Variants in SPOCK1 observed in about 807,000 individuals in gnomAD.
The protein encoded by SPOCK1 is testican-1.
SPOCK1 carries 23 observed loss-of-function variants against 55.3 expected under a neutral mutation model. That is an observed-to-expected ratio of 0.42 (90% CI 0.30 to 0.59). The LOEUF is 0.59. Ranked by LOEUF, SPOCK1 falls within the 20% of genes least tolerant of loss-of-function variation. SPOCK1 has a pLI of 0.22. For missense variants in SPOCK1, 499 were observed against 552.5 expected (o/e 0.90, Z 0.97); for synonymous variants, 226 against 221.0 (o/e 1.02, Z -0.20).
At chr5:137,093,862 G>A (rs1434422321) in intron 5 of SPOCK1, among the ~76,000 whole-genome samples, 1 of 152,180 alleles carries the variant, frequency 6.6e-6, no homozygotes, top group African/African-American at 2.4e-5. Flanking sequence ...AGAGAACCTG[G>A]GGGAGCAGGG....
intron 5 of SPOCK1, among the ~76,000 whole-genome samples, chr5:137,086,027 T>C (rs1340389498): frequency 1.3e-5 from 2 of 152,178 alleles, no homozygotes; most frequent in Non-Finnish European, 2.9e-5. Flanking sequence ...AATGCTGTTT[T>C]AAGGCAAATG....
At chr5:136,984,975 C>CTGTT (rs1183465705) in intron 9 of SPOCK1, among the ~76,000 whole-genome samples, 165 bp downstream of exon 9, 2 of 152,194 alleles carry the variant, frequency 1.3e-5, no homozygotes, top group Non-Finnish European at 2.9e-5. Context: ...AGCCAGTCCT[C>CTGTT]TGTTTATGTC....
intron 4 of SPOCK1, among the ~76,000 whole-genome samples, chr5:137,129,608 G>T (rs1753837276): frequency 6.6e-6 from 1 of 152,200 alleles, no homozygotes; most frequent in Non-Finnish European, 1.5e-5. Flanking sequence ...CCTCTGGGTA[G>T]GGGCCACAGG....
chr5:137,147,023 T>C (rs1251012990), intron 3 of SPOCK1, among the ~76,000 whole-genome samples: 1 of 152,192 alleles, frequency 6.6e-6, no homozygotes, highest in Admixed American at 6.5e-5. Flanking sequence ...CCCTTTAAAC[T>C]GAGGTCCTGG....
intron 4 of SPOCK1, among the ~76,000 whole-genome samples, chr5:137,129,059 A>G (rs1306451697): frequency 1.3e-5 from 2 of 152,150 alleles, no homozygotes; most frequent in African/African-American, 2.4e-5. Context: ...TCACTCTCCA[A>G]CTGAAAGCCA....
intron 3 of SPOCK1, among the ~76,000 whole-genome samples, chr5:137,179,177 C>T (rs1021572376): frequency 6.6e-6 from 1 of 152,120 alleles, no homozygotes; most frequent in African/African-American, 2.4e-5. Flanking sequence ...TGCTAAGAAC[C>T]ACATCTATAG....
At chr5:137,009,019 A>G (rs1464858864) in intron 6 of SPOCK1, among the ~76,000 whole-genome samples, 9 of 152,326 alleles carry the variant, frequency 5.9e-5, no homozygotes, top group Admixed American at 3.3e-4. Flanking sequence ...ATGGAAAAAT[A>G]ACAGAGATGA....
chr5:137,478,351 C>A (rs1278294411), intron 2 of SPOCK1, among the ~76,000 whole-genome samples: 1 of 152,168 alleles, frequency 6.6e-6, no homozygotes, highest in Non-Finnish European at 1.5e-5. Context: ...GAGACACAAT[C>A]TCTTGTAGCA....
intron 4 of SPOCK1, among the ~76,000 whole-genome samples, chr5:137,119,410 C>T (rs1255909481): frequency 6.6e-6 from 1 of 152,060 alleles, no homozygotes; most frequent in African/African-American, 2.4e-5. Flanking sequence ...GCTATAATTC[C>T]TCTGTTGTTA....
intron 2 of SPOCK1, among the ~76,000 whole-genome samples, chr5:137,267,422 G>A (rs1303533858): frequency 6.6e-6 from 1 of 152,178 alleles, no homozygotes; most frequent in Admixed American, 6.6e-5. Flanking sequence ...AAGCCTCTGT[G>A]TTTGTAACAG....
chr5:137,350,180 C>T (rs965488021), intron 2 of SPOCK1, among the ~76,000 whole-genome samples: 1 of 152,046 alleles, frequency 6.6e-6, no homozygotes, highest in South Asian at 2.1e-4. Flanking sequence ...AGACTGCCCC[C>T]CAGAGAAGTT....
intron 2 of SPOCK1, among the ~76,000 whole-genome samples, chr5:137,487,527 T>C (rs1414298517): frequency 6.6e-6 from 1 of 152,184 alleles, no homozygotes; most frequent in Admixed American, 6.5e-5. Context: ...GTTTGTTCCA[T>C]ACCCTTAACA....
chr5:137,404,782 TG>T (rs1358884068), intron 2 of SPOCK1, among the ~76,000 whole-genome samples: 1 of 152,132 alleles, frequency 6.6e-6, no homozygotes, highest in Non-Finnish European at 1.5e-5. Flanking sequence ...AGTTAACCCA[TG>T]GGTTTGTCAC....
intron 5 of SPOCK1, among the ~76,000 whole-genome samples, chr5:137,097,089 G>A (rs1753163498): frequency 6.6e-6 from 1 of 152,240 alleles, no homozygotes; most frequent in Admixed American, 6.5e-5. Flanking sequence ...ACAGCAGACA[G>A]TAATGTAGTA....
chr5:137,446,139 TG>T (rs1171709848), intron 2 of SPOCK1, among the ~76,000 whole-genome samples: 1 of 152,198 alleles, frequency 6.6e-6, no homozygotes, highest in African/African-American at 2.4e-5. Flanking sequence ...TGGACTTAAA[TG>T]TCACACCAAA....
At chr5:137,260,956 T>C (rs1756733359) in intron 3 of SPOCK1, among the ~76,000 whole-genome samples, 1 of 152,114 alleles carries the variant, frequency 6.6e-6, no homozygotes, top group African/African-American at 2.4e-5. Flanking sequence ...GGGGAAAGCA[T>C]ATTCCTAATT....
At chr5:137,417,358 T>TA (rs1329291403) in intron 2 of SPOCK1, among the ~76,000 whole-genome samples, 1 of 151,558 alleles carries the variant, frequency 6.6e-6, no homozygotes, top group Non-Finnish European at 1.5e-5. Flanking sequence ...TTCATTTTTT[T>TA]AAAAAAATCA....
chr5:137,369,610 G>A lies in SPOCK1; in HGVS notation c.187-102555C>T, dbSNP rs140181261. ...AGAACTAGGACCACTGTCTTAGCTCGGGTTTCCGTAACAAAATACATTAGA... is the reference window on the plus strand; with the variant it reads ...AGAACTAGGACCACTGTCTTAGCTCAGGTTTCCGTAACAAAATACATTAGA... On this transcript the variant is annotated intron_variant, in intron 2 of 10. Transcript: ENST00000394945. 1.6e-3 allele frequency among the ~76,000 whole-genome samples: 251 copies of A among 152,256 alleles called. 1 individual carries two copies. The highest frequency in any genetic ancestry group is 5.3e-3 in the African/African-American group (220 of 41,544).
At chr5:137,137,782 G>C (rs1471182893) in intron 4 of SPOCK1, among the ~76,000 whole-genome samples, 2 of 152,208 alleles carry the variant, frequency 1.3e-5, no homozygotes, top group African/African-American at 4.8e-5. Context: ...TAGGGACCAA[G>C]GCACCTGTAG....
Sources: allele counts gnomAD v4.1 joint callset (sites outside exome capture counted in the v4.1 genomes callset), GRCh38; gene constraint gnomAD v4.1.1; transcripts MANE v1.5; gene names NCBI Gene and HGNC (gene_info 2026-07-23, HGNC 2026-07-21).